The following RGS3 variants were observed in gnomAD, a reference collection of about 807,000 sequenced individuals.
RGS3 encodes the protein regulator of G protein signaling 3.
In RGS3, 80 loss-of-function variants were observed where a neutral mutation model predicts 132.6. The observed-to-expected ratio is 0.60, with a 90% confidence interval of 0.50 to 0.73. The LOEUF (loss-of-function observed/expected upper bound fraction) is 0.73, where lower values mean the gene tolerates loss of function less well. RGS3 is among the 30% of genes least tolerant of loss of function. The probability of loss-of-function intolerance (pLI) is 0.00; values close to 1 mark genes in which losing one functional copy is unlikely to be tolerated. For missense variants in RGS3, 1,382 were observed against 1,530.8 expected (o/e 0.90, Z 1.62); for synonymous variants, 598 against 620.6 (o/e 0.96, Z 0.54).
At chr9:113,467,658 T>C (rs1829689966) in intron 3 of RGS3, among the ~76,000 whole-genome samples, 1 of 152,224 alleles carries the variant, frequency 6.6e-6, no homozygotes, top group Non-Finnish European at 1.5e-5. Flanking sequence ...TTGCAAATAT[T>C]TTCTCTCTAT....
chr9:113,502,224 C>T (rs1230420263), intron 10 of RGS3, among the ~76,000 whole-genome samples: 1 of 152,132 alleles, frequency 6.6e-6, no homozygotes, highest in Non-Finnish European at 1.5e-5. Flanking sequence ...CCATTAGCTC[C>T]CCTGAGCCTC....
chr9:113,454,145 A>G (rs1588126849), intron 1 of RGS3, among the ~76,000 whole-genome samples: 1 of 152,006 alleles, frequency 6.6e-6, no homozygotes, highest in East Asian at 1.9e-4. Context: ...GTTGGTTTCT[A>G]TTGATTTTCT....
chr9:113,523,212 G>A (rs556600512), intron 17 of RGS3, among the ~76,000 whole-genome samples, 171 bp downstream of exon 15: 2 of 152,204 alleles, frequency 1.3e-5, no homozygotes, highest in Admixed American at 1.3e-4. Flanking sequence ...TTTCTAGGCT[G>A]GTAAGCCTTC....
chr9:113,562,341 G>A (rs568181319), intron 19 of RGS3, among the ~76,000 whole-genome samples: 1 of 152,196 alleles, frequency 6.6e-6, no homozygotes, highest in African/African-American at 2.4e-5. Flanking sequence ...GCTGGGTGTG[G>A]TGGCGCACGC....
At chr9:113,453,711 A>C (rs1342386379) in intron 1 of RGS3, among the ~76,000 whole-genome samples, 2 of 94,190 alleles carry the variant, frequency 2.1e-5, no homozygotes, top group African/African-American at 4.3e-5. Flanking sequence ...TAATATACTC[A>C]TTATATGATT....
chr9:113,495,367 C>T (rs1054041441), intron 7 of RGS3, among the ~76,000 whole-genome samples: 2 of 152,160 alleles, frequency 1.3e-5, no homozygotes, highest in Non-Finnish European at 2.9e-5. Flanking sequence ...CCTTCCTGGA[C>T]CTGAGATAGA....
intron 19 of RGS3, among the ~76,000 whole-genome samples, chr9:113,572,322 G>T (rs1202564248): frequency 6.6e-6 from 1 of 151,996 alleles, no homozygotes; most frequent in Non-Finnish European, 1.5e-5. Flanking sequence ...GGTGGGTTTG[G>T]AGAAGACTGT....
intron 19 of RGS3, among the ~76,000 whole-genome samples, chr9:113,563,160 C>T: frequency 6.6e-6 from 1 of 152,230 alleles, no homozygotes; most frequent in East Asian, 1.9e-4. Context: ...GTATTCTGGA[C>T]TCGTTCTGGA....
At chr9:113,512,491 CACGGGGGGAGTCA>C (rs927431617) in intron 14 of RGS3, among the ~76,000 whole-genome samples, 13 of 152,124 alleles carry the variant, frequency 8.5e-5, no homozygotes, top group Admixed American at 7.2e-4. Context: ...TTGTCAGGGG[CACGGGGGGAGTCA>C]ACTTGTTTTT....
At chr9:113,452,946 T>TTATATATCATATATAAATAAAATA (rs1829281087) in intron 1 of RGS3, among the ~76,000 whole-genome samples, 1 of 134,958 alleles carries the variant, frequency 7.4e-6, no homozygotes, top group Non-Finnish European at 1.6e-5. Flanking sequence ...TAAAATATAT[T>TTATATATCATATATAAATAAAATA]TATATATGAT....
chr9:113,593,968 G>T (rs756713060), intron 21 of RGS3: 43 of 1,612,552 alleles, frequency 2.7e-5, no homozygotes, highest in Non-Finnish European at 3.6e-5. Context: ...GCTTCCTGCC[G>T]GGGCGGCCCC....
chr9:113,447,253 C>G (rs1829121744), intron 1 of RGS3, among the ~76,000 whole-genome samples: 1 of 121,526 alleles, frequency 8.2e-6, no homozygotes, highest in Non-Finnish European at 1.7e-5. Context: ...CAGAGCAAGA[C>G]TCTGTCTCAA....
intron 19 of RGS3, among the ~76,000 whole-genome samples, chr9:113,553,450 AAAAAAAAAAAT>A (rs1285316712): frequency 1.8e-5 from 2 of 108,400 alleles, no homozygotes; most frequent in African/African-American, 3.8e-5. Context: ...TTAAAAAAAA[AAAAAAAAAAAT>A]ATATATATAT....
At chr9:113,593,917 G>T in intron 21 of RGS3, 1 of 1,596,696 alleles carries the variant, frequency 6.3e-7, no homozygotes, top group Non-Finnish European at 8.6e-7. Flanking sequence ...TCTCCCTGCT[G>T]CCATGGTAAC....
At chr9:113,492,690 A>C (rs995985768) in intron 7 of RGS3, among the ~76,000 whole-genome samples, 1 of 152,212 alleles carries the variant, frequency 6.6e-6, no homozygotes, top group African/African-American at 2.4e-5. Context: ...TCCCAAGTTT[A>C]TAAACTGACT....
intron 16 of RGS3, among the ~76,000 whole-genome samples, chr9:113,520,759 C>G (rs977152369): frequency 2.6e-5 from 4 of 151,996 alleles, no homozygotes; most frequent in Non-Finnish European, 5.9e-5. Context: ...CTCAGACAAC[C>G]AATTCCTTGA....
intron 10 of RGS3, among the ~76,000 whole-genome samples, chr9:113,499,665 C>T (rs1830805339): frequency 6.6e-6 from 1 of 152,220 alleles, no homozygotes. Flanking sequence ...TGCTGGGATG[C>T]AGCTCTGGAC....
intron 19 of RGS3, among the ~76,000 whole-genome samples, chr9:113,551,368 A>T (rs1283200964): frequency 1.3e-5 from 2 of 152,234 alleles, no homozygotes; most frequent in Non-Finnish European, 2.9e-5. Context: ...TTAACCGTTC[A>T]TCAGTTAATG....
At chr9:113,536,283 A>C (rs1051117047) in intron 18 of RGS3, among the ~76,000 whole-genome samples, 1 of 152,104 alleles carries the variant, frequency 6.6e-6, no homozygotes, top group Non-Finnish European at 1.5e-5. Flanking sequence ...AAGGACCCTG[A>C]GTTGCTGTTT....
Sources: allele counts gnomAD v4.1 joint callset (sites outside exome capture counted in the v4.1 genomes callset), GRCh38; gene constraint gnomAD v4.1.1; transcripts MANE v1.5; gene names NCBI Gene and HGNC (gene_info 2026-07-23, HGNC 2026-07-21).